ARID5B: variants seen among roughly 807,000 people sequenced by gnomAD.
ARID5B encodes AT-rich interactive domain-containing protein 5B.
In ARID5B, 13 loss-of-function variants were observed where a neutral mutation model predicts 97.2. That is an observed-to-expected ratio of 0.13 (90% confidence interval 0.09 to 0.21). The LOEUF (loss-of-function observed/expected upper bound fraction) is 0.21, where lower values mean the gene tolerates loss of function less well. Ranked by LOEUF, ARID5B falls within the 10% of genes least tolerant of loss-of-function variation. ARID5B has a pLI of 1.00. For missense variants in ARID5B, 1,210 were observed against 1,465.3 expected (o/e 0.83, Z 2.84); for synonymous variants, 556 against 570.3 (o/e 0.97, Z 0.36).
intron 6 of ARID5B, among the ~76,000 whole-genome samples, chr10:62,058,520 A>T (rs950485660): frequency 6.6e-6 from 1 of 152,196 alleles, no homozygotes; most frequent in African/African-American, 2.4e-5. Context: ...AATTTGGTAT[A>T]GTTGTTTAAC....
intron 3 of ARID5B, among the ~76,000 whole-genome samples, chr10:61,970,472 A>G (rs1471614610): frequency 2.0e-5 from 3 of 152,240 alleles, no homozygotes; most frequent in African/African-American, 7.2e-5. Flanking sequence ...AAATGTATGT[A>G]GAAGATATAG....
At chr10:61,979,056 C>T (rs1310758021) in intron 3 of ARID5B, among the ~76,000 whole-genome samples, 2 of 152,174 alleles carry the variant, frequency 1.3e-5, no homozygotes, top group Non-Finnish European at 2.9e-5. Flanking sequence ...TCCAAAGGTA[C>T]TGAGTGTGAG....
Position 62,051,010 on chromosome 10 carries a change from T to G in ARID5B, c.846+10T>G, listed in dbSNP as rs769487551. 3.8e-6 allele frequency: 6 copies of G among 1,598,614 alleles called. No individual in the cohort carries two copies. The highest frequency in any genetic ancestry group is 5.1e-6 in the Non-Finnish European group (6 of 1,165,882). ...CAAAGCCGTTGCCAAGGTACGGTCA[T>G]TCACTCCACGGTATTCATTTCGTTG... On this transcript the variant is annotated intron_variant, in intron 5 of 9. Coordinates refer to ENST00000279873, the MANE Select transcript of ARID5B (RefSeq NM_032199.3).
chr10:62,020,425 C>T (rs954378415), intron 4 of ARID5B, among the ~76,000 whole-genome samples: 1 of 152,108 alleles, frequency 6.6e-6, no homozygotes, highest in Admixed American at 6.5e-5. Context: ...GATCAATAGT[C>T]GGGAAATTTA....
chr10:62,071,287 G>T (rs1037454359), intron 8 of ARID5B, among the ~76,000 whole-genome samples: 1 of 151,972 alleles, frequency 6.6e-6, no homozygotes, highest in Non-Finnish European at 1.5e-5. Context: ...ACCCACTTCG[G>T]CCTCCCAAAG....
intron 3 of ARID5B, among the ~76,000 whole-genome samples, chr10:61,971,130 A>G (rs1349407671): frequency 2.0e-5 from 3 of 152,226 alleles, no homozygotes; most frequent in Non-Finnish European, 4.4e-5. Context: ...TGAGAGAAAC[A>G]TATTTGGTTT....
intron 4 of ARID5B, among the ~76,000 whole-genome samples, chr10:62,003,153 G>T (rs1284997941): frequency 6.6e-6 from 1 of 152,172 alleles, no homozygotes; most frequent in Non-Finnish European, 1.5e-5. Context: ...TATGGAGTAG[G>T]GGGTGGGAGG....
intron 2 of ARID5B, among the ~76,000 whole-genome samples, chr10:61,908,312 T>A (rs1002249272): frequency 6.6e-6 from 1 of 152,186 alleles, no homozygotes; most frequent in Non-Finnish European, 1.5e-5. Context: ...TCAGTCTTGA[T>A]AAGGAGATGA....
At chr10:61,932,688 C>A (rs1844232564) in intron 2 of ARID5B, among the ~76,000 whole-genome samples, 1 of 152,136 alleles carries the variant, frequency 6.6e-6, no homozygotes, top group Non-Finnish European at 1.5e-5. Flanking sequence ...AAAGATTACT[C>A]TGTAGTATGC....
At chr10:62,042,340 C>T (rs1047462371) in intron 4 of ARID5B, among the ~76,000 whole-genome samples, 4 of 152,156 alleles carry the variant, frequency 2.6e-5, no homozygotes, top group East Asian at 1.9e-4. Context: ...GGAAATGGCT[C>T]GTGGACACCT....
chr10:62,009,731 T>C (rs545915242), intron 4 of ARID5B, among the ~76,000 whole-genome samples: 20 of 152,302 alleles, frequency 1.3e-4, no homozygotes, highest in Admixed American at 1.0e-3. Context: ...ATGGGAAAGT[T>C]TGCCATATAA....
At chr10:62,071,255 C>T (rs932897517) in intron 8 of ARID5B, among the ~76,000 whole-genome samples, 22 of 151,946 alleles carry the variant, frequency 1.4e-4, no homozygotes, top group Admixed American at 9.2e-4. Flanking sequence ...AGGATGGTCT[C>T]GATCTCTTGA....
At chr10:62,069,894 T>C (rs1347991649) in intron 8 of ARID5B, 97 bp downstream of exon 8, 5 of 1,238,476 alleles carry the variant, frequency 4.0e-6, no homozygotes, top group Non-Finnish European at 5.6e-6. Context: ...AATGACCTTT[T>C]GGGAAACTGA....
At chr10:62,018,611 C>T (rs1330601033) in intron 4 of ARID5B, among the ~76,000 whole-genome samples, 1 of 149,636 alleles carries the variant, frequency 6.7e-6, no homozygotes, top group African/African-American at 2.5e-5. Context: ...CTGCCCCTCC[C>T]CCGCCCCCAC....
intron 2 of ARID5B, among the ~76,000 whole-genome samples, chr10:61,937,842 T>C (rs1304065125): frequency 6.6e-6 from 1 of 152,194 alleles, no homozygotes; most frequent in East Asian, 1.9e-4. Context: ...ACATTTTCTA[T>C]ATATATGTTG....
chr10:61,946,472 T>A lies in ARID5B; in HGVS notation c.502+6064T>A, dbSNP rs961473138. Reference sequence around the variant, plus strand: ...TCTAGATTTAAATTTTGTATGTATATTAAAGAGTCTTTTGAAGGTATTTGT... The same window carrying A: ...TCTAGATTTAAATTTTGTATGTATAATAAAGAGTCTTTTGAAGGTATTTGT... On this transcript the variant is annotated intron_variant, in intron 3 of 9. Transcript: ENST00000279873. Among the ~76,000 whole-genome samples the A allele has an allele frequency of 3.3e-5, 5 of 152,256 alleles. 1 individual carries two copies. Among genetic ancestry groups the A allele is most frequent in the African/African-American group, 1.2e-4 (5 of 41,476 alleles).
At chr10:62,017,776 CT>C (rs367990140) in intron 4 of ARID5B, among the ~76,000 whole-genome samples, 45 of 152,154 alleles carry the variant, frequency 3.0e-4, no homozygotes, top group African/African-American at 1.0e-3. Flanking sequence ...GCTCTAATTG[CT>C]TTTTTTCCCA....
intron 9 of ARID5B, among the ~76,000 whole-genome samples, chr10:62,087,520 G>A (rs1250925086): frequency 1.3e-5 from 2 of 148,282 alleles, no homozygotes; most frequent in Admixed American, 1.3e-4. Context: ...AATAAAAAAC[G>A]CTGCTGCCCA....
chr10:61,984,673 T>C (rs1019835311), intron 3 of ARID5B, among the ~76,000 whole-genome samples: 31 of 152,214 alleles, frequency 2.0e-4, no homozygotes, highest in African/African-American at 7.2e-4. Flanking sequence ...GGCCCATCAC[T>C]ACCATGCATG....
Sources: allele counts gnomAD v4.1 joint callset (sites outside exome capture counted in the v4.1 genomes callset), GRCh38; gene constraint gnomAD v4.1.1; transcripts MANE v1.5; gene names NCBI Gene and HGNC (gene_info 2026-07-23, HGNC 2026-07-21).